The following DGKE variants were observed in gnomAD, a reference collection of about 807,000 sequenced individuals.
DGKE encodes the protein DAG kinase epsilon.
Under a neutral mutation model 70.0 loss-of-function variants are expected in DGKE, and 53 were observed. The ratio of observed to expected loss-of-function variants is 0.76; its 90% CI spans 0.61 to 0.95. The LOEUF (loss-of-function observed/expected upper bound fraction) is 0.95, where lower values mean the gene tolerates loss of function less well. Ranked by LOEUF, DGKE falls within the 40% of genes least tolerant of loss-of-function variation. The pLI is 0.00. For synonymous variants in DGKE, 291 were observed against 257.0 expected (o/e 1.13, Z -1.27); for missense variants, 655 against 706.9 (o/e 0.93, Z 0.83).
chr17:56,848,136 G>A (rs1907421344), intron 5 of DGKE, 71 bp downstream of exon 5: 5 of 679,218 alleles, frequency 7.4e-6, no homozygotes, highest in East Asian at 7.7e-5. Context: ...ATATATATAT[G>A]GGTTTTGTTG....
intron 4 of DGKE, chr17:56,846,068 A>G (rs1355402363): frequency 8.9e-6 from 2 of 224,402 alleles, no homozygotes; most frequent in Non-Finnish European, 1.6e-5. Flanking sequence ...TCTACTAGGA[A>G]TCTACCCAAG....
At position 56,866,069 on chromosome 17, in the gene DGKE, A is replaced by G. The variant is rs984731460; in HGVS notation, c.*3278A>G. On this transcript the variant is annotated 3_prime_UTR_variant, in exon 12 of 12. Transcript: ENST00000284061. Reference sequence around the variant, plus strand: ...ATAAGTAGATATATTTAAAATATCTAGATATTTAAAAAGAAAGAAAAGGTT... The same window carrying G: ...ATAAGTAGATATATTTAAAATATCTGGATATTTAAAAAGAAAGAAAAGGTT... The G allele has an allele frequency of 2.6e-5, 4 of 152,212 alleles. No homozygotes were observed. Among genetic ancestry groups the G allele is most frequent in the African/African-American group, 9.6e-5 (4 of 41,464 alleles). The allele number at this position is 152,212 out of a possible 1,614,324, so 9.4% of individuals were successfully genotyped here.
rs1387925114 is a variant in DGKE at position 56,862,647 on chromosome 17, G to A, written c.1560G>A (p.Val520=). The A allele has an allele frequency of 6.3e-7, 1 of 1,582,042 alleles. No individual in the cohort carries two copies. The highest frequency in any genetic ancestry group is 2.0e-5 in the Admixed American group (1 of 50,036). ...AGTGCTCCATGATGCCAATGCAGGT[G>A]GATGGGGAGCCTTGGGCCCAAGGGC... ...ILKCSMMPMQ[V]DGEPWAQGPC... The change falls in exon 12 of 12, where the codon GTG becomes GTA. Residue 520 remains valine, a synonymous_variant. Transcript: ENST00000284061.
rs1417001254 is a variant in DGKE, at chr17:56,847,978, C to G, written c.801C>G (p.Leu267=). The G allele has an allele frequency of 6.2e-7, 1 of 1,609,012 alleles. No homozygotes were observed. Among genetic ancestry groups the G allele is most frequent in the Non-Finnish European group, 8.5e-7 (1 of 1,177,278 alleles). The change falls in exon 5 of 12, where the codon CTC becomes CTG. Residue 267 remains leucine, a synonymous_variant. Transcript: ENST00000284061. ...AAGCCCTACAACTCTGTACTCTTCTCCCATATTATTCAGCTCGAGTACTTG... is the reference window on the plus strand; with the variant it reads ...AAGCCCTACAACTCTGTACTCTTCTGCCATATTATTCAGCTCGAGTACTTG... ...PIKALQLCTL[L]PYYSARVLVC... is the part of the protein sequence containing the mutation.
In DGKE at chr17:56,858,684, T is replaced by G. The variant is rs779782643; in HGVS notation, c.1284+19T>G. 1.9e-6 allele frequency: 3 copies of G among 1,557,178 alleles called. No homozygotes were observed. On this transcript the variant is annotated intron_variant, in intron 9 of 11. Coordinates refer to ENST00000284061, the MANE Select transcript of DGKE (RefSeq NM_003647.3). ...AGTTGAGGTAAGCTATTAACACTTT[T>G]TATTTTTTAAAGTTTTAGGTGGTCT...
At chr17:56,836,016 G>C (rs1328418560) in intron 2 of DGKE, 3 of 152,220 alleles carry the variant, frequency 2.0e-5, no homozygotes, top group African/African-American at 7.2e-5. Flanking sequence ...GAAAATTAAA[G>C]CCCGTTAGGT....
chr17:56,862,590 A>T (rs1287764421), intron 11 of DGKE, 22 bp from the exon 12 acceptor site: 2 of 1,487,698 alleles, frequency 1.3e-6, no homozygotes, highest in Non-Finnish European at 1.8e-6. Context: ...ACTTTTAAAC[A>T]TTATTTGTTC....
intron 4 of DGKE, 44 bp downstream of exon 4, chr17:56,845,853 C>A: frequency 6.5e-7 from 1 of 1,530,062 alleles, no homozygotes. Context: ...TTTCATTTTC[C>A]CCAAAATGCA....
chr17:56,845,606 T>C (rs916815731), intron 3 of DGKE, 84 bp from the exon 4 acceptor site: 41 of 1,380,422 alleles, frequency 3.0e-5, no homozygotes, highest in Non-Finnish European at 3.8e-5. Flanking sequence ...CAGCAAATTA[T>C]AGCACCATTG....
intron 6 of DGKE, 54 bp from the exon 7 acceptor site, chr17:56,849,127 A>G (rs1598032374): frequency 6.6e-7 from 1 of 1,521,978 alleles, no homozygotes; most frequent in Non-Finnish European, 9.0e-7. Context: ...CCAAACATCC[A>G]GAGTATGGGG....
rs1373413522 is a variant in DGKE at position 56,869,168 on chromosome 17, G to A, written c.*6377G>A. On this transcript the variant is annotated 3_prime_UTR_variant, in exon 12 of 12. Coordinates refer to ENST00000284061, the MANE Select transcript of DGKE (RefSeq NM_003647.3). ...CGAAGGTAAGAGTTGTAGAGACTTC[G>A]GTAAACTGGAGCACATGATTCCTGG... The A allele has an allele frequency of 1.3e-5, 2 of 152,158 alleles. No homozygotes were observed. The highest frequency in any genetic ancestry group is 1.9e-4 in the East Asian group (1 of 5,200). 9.4% of individuals were successfully genotyped at this position (152,158 alleles called of 1,614,324 possible).
Position 56,849,086 on chromosome 17 carries a change from G to C in DGKE, c.1047-95G>C, listed in dbSNP as rs1321439684. The C allele has an allele frequency of 9.1e-6, 12 of 1,315,942 alleles. 1 individual carries two copies. Among genetic ancestry groups the C allele is most frequent in the East Asian group, 4.7e-5 (2 of 42,266 alleles). 81.5% of individuals were successfully genotyped at this position (1,315,942 alleles called of 1,614,324 possible). ...TCATATACGTGTGGTTACTTTTGTA[G>C]ATGGTATTTTAATAGAAAACCCTCA... is the stretch of plus-strand genomic sequence containing the variant. On this transcript the variant is annotated intron_variant, in intron 6 of 11. Coordinates refer to ENST00000284061, the MANE Select transcript of DGKE (RefSeq NM_003647.3).
rs931794638 is a variant in DGKE at position 56,869,443 on chromosome 17, G to A, written c.*6652G>A. On this transcript the variant is annotated 3_prime_UTR_variant, in exon 12 of 12. Transcript: ENST00000284061. ...CGATCTGAAAAATGTACTGTGGCATGTAACATCTTTTATTCATTTTATTAG... is the reference window on the plus strand; with the variant it reads ...CGATCTGAAAAATGTACTGTGGCATATAACATCTTTTATTCATTTTATTAG... 6.6e-6 allele frequency: 1 copy of A among 152,196 alleles called. No homozygotes were observed. The allele number at this position is 152,196 out of a possible 1,614,324, so 9.4% of individuals were successfully genotyped here. A position where few individuals can be genotyped will look rare whatever the true frequency, so the allele number is the denominator to read the frequency against.
At chr17:56,837,976 C>T (rs150629189) in intron 2 of DGKE, among the ~76,000 whole-genome samples, 6 of 152,268 alleles carry the variant, frequency 3.9e-5, no homozygotes, top group Non-Finnish European at 7.4e-5. Flanking sequence ...CTACCCCCAA[C>T]CACTACATCT....
chr17:56,852,600 A>C (rs1907720632), intron 7 of DGKE, among the ~76,000 whole-genome samples: 1 of 131,852 alleles, frequency 7.6e-6, no homozygotes, highest in African/African-American at 2.5e-5. Context: ...GATTGCTTTG[A>C]TTTATTTTAA....
Position 56,848,075 on chromosome 17 carries a change from T to C in DGKE, c.888+10T>C. On this transcript the variant is annotated intron_variant, in intron 5 of 11. Coordinates refer to ENST00000284061, the MANE Select transcript of DGKE (RefSeq NM_003647.3). ...TGACATGAAGATTAAGGTATTAGTC[T>C]TTAAGAACTACTACAGAAGGACTTC... 6.7e-7 allele frequency: 1 copy of C among 1,500,030 alleles called. No individual in the cohort carries two copies. Among genetic ancestry groups the C allele is most frequent in the Non-Finnish European group, 8.9e-7 (1 of 1,123,156 alleles). The allele number at this position is 1,500,030 out of a possible 1,614,324, so 92.9% of individuals were successfully genotyped here.
In DGKE at chr17:56,845,720, C is replaced by G; in HGVS notation, c.655C>G (p.Pro219Ala). ...CTCTAAGCTTGGAAAGCAGTGGACC[C>G]CATTAATAATCCTGGCCAACTCTCG... is the stretch of plus-strand genomic sequence containing the variant. ...LASKLGKQWT[P>A]LIILANSRSG... The change falls in exon 4 of 12, where the codon CCA becomes GCA. Residue 219 changes from proline to alanine, a missense_variant. By Grantham distance (27) the Pro-to-Ala change is conservative. Coordinates refer to ENST00000284061, the MANE Select transcript of DGKE (RefSeq NM_003647.3). The G allele has an allele frequency of 6.2e-7, 1 of 1,611,800 alleles. No homozygotes were observed. Among genetic ancestry groups the G allele is most frequent in the Non-Finnish European group, 8.5e-7 (1 of 1,178,850 alleles).
chr17:56,846,191 T>C (rs537573053), intron 4 of DGKE: 1 of 155,114 alleles, frequency 6.4e-6, no homozygotes, highest in South Asian at 2.0e-4. Context: ...GATGAGTTGA[T>C]AAACAAAATG....
intron 2 of DGKE, among the ~76,000 whole-genome samples, chr17:56,837,489 G>C (rs1260736063): frequency 2.0e-5 from 3 of 152,192 alleles, no homozygotes; most frequent in Admixed American, 6.5e-5. Context: ...AATTGTCTCT[G>C]TGTAATTTAG....
Sources: allele counts gnomAD v4.1 joint callset (sites outside exome capture counted in the v4.1 genomes callset), GRCh38; gene constraint gnomAD v4.1.1; transcripts MANE v1.5; gene names NCBI Gene and HGNC (gene_info 2026-07-23, HGNC 2026-07-21).